The following SNX29 variants were observed in gnomAD, a reference collection of about 807,000 sequenced individuals.
SNX29 encodes sorting nexin 29.
SNX29 carries 78 observed loss-of-function variants against 102.1 expected under a neutral mutation model. That is an observed-to-expected ratio of 0.76 (90% CI 0.64 to 0.92). The LOEUF is 0.92. SNX29 is among the 40% of genes least tolerant of loss of function. The pLI is 0.00. For synonymous variants in SNX29, 580 were observed against 414.5 expected (o/e 1.40, Z -4.85); for missense variants, 1,280 against 1,061.7 (o/e 1.21, Z -2.86).
chr16:12,293,680 T>C (rs959442784), intron 15 of SNX29, among the ~76,000 whole-genome samples: 14 of 152,216 alleles, frequency 9.2e-5, no homozygotes, highest in African/African-American at 3.1e-4. Flanking sequence ...AAAGAACATA[T>C]TGAACATTTT....
In SNX29 at chr16:12,568,662, G is replaced by A. The variant is rs201330488; in HGVS notation, c.*33G>A. 1.3e-4 allele frequency: 214 copies of A among 1,596,100 alleles called. No homozygotes were observed. Among genetic ancestry groups the A allele is most frequent in the South Asian group, 8.4e-4 (76 of 90,710 alleles). ...AAAACCGCAGCCACGGGCCCTGTGC[G>A]TGGCACCAGCTGCGTCCACCCCAGC... On this transcript the variant is annotated 3_prime_UTR_variant, in exon 21 of 21. Coordinates refer to ENST00000566228, the MANE Select transcript of SNX29 (RefSeq NM_032167.5).
At chr16:12,524,306 C>A (rs2090212723) in intron 19 of SNX29, among the ~76,000 whole-genome samples, 1 of 152,018 alleles carries the variant, frequency 6.6e-6, no homozygotes, top group Non-Finnish European at 1.5e-5. Context: ...TAATTACCCG[C>A]TGACCTGTGT....
chr16:12,069,745 C>T (rs973403543), intron 10 of SNX29, among the ~76,000 whole-genome samples: 5 of 152,320 alleles, frequency 3.3e-5, no homozygotes, highest in Admixed American at 6.5e-5. Context: ...GGCTGGAGTG[C>T]GGTGGCGCAA....
At chr16:12,094,523 A>T (rs2052690007) in intron 11 of SNX29, among the ~76,000 whole-genome samples, 1 of 152,078 alleles carries the variant, frequency 6.6e-6, no homozygotes, top group Non-Finnish European at 1.5e-5. Context: ...TCTGGTTAAG[A>T]GGACATAAAC....
At chr16:12,057,228 C>T (rs866058078) in intron 8 of SNX29, among the ~76,000 whole-genome samples, 1 of 152,228 alleles carries the variant, frequency 6.6e-6, no homozygotes, top group Non-Finnish European at 1.5e-5. Flanking sequence ...TATTCTGCAT[C>T]TCACTAGCAG....
chr16:12,024,911 C>G (rs1189736234), intron 3 of SNX29, among the ~76,000 whole-genome samples: 1 of 152,022 alleles, frequency 6.6e-6, no homozygotes, highest in Non-Finnish European at 1.5e-5. Flanking sequence ...GAGACAGACC[C>G]CTGATCTAGG....
intron 1 of SNX29, among the ~76,000 whole-genome samples, chr16:11,991,146 C>T (rs1304657479): frequency 1.3e-5 from 2 of 152,256 alleles, no homozygotes; most frequent in Non-Finnish European, 2.9e-5. Flanking sequence ...GATGCACACG[C>T]AGGGCTTAGA....
chr16:12,318,335 A>G (rs1332113585), intron 15 of SNX29, among the ~76,000 whole-genome samples: 1 of 151,974 alleles, frequency 6.6e-6, no homozygotes, highest in Admixed American at 6.5e-5. Flanking sequence ...GTGACTCAAA[A>G]TTTTCTCTGG....
Position 12,042,927 on chromosome 16 carries a change from T to C in SNX29, c.278T>C (p.Val93Ala). 6.2e-7 allele frequency: 1 copy of C among 1,612,916 alleles called. No individual in the cohort carries two copies. The highest frequency in any genetic ancestry group is 8.5e-7 in the Non-Finnish European group (1 of 1,179,228). ...GTGTTCTGGTACTACGTGAAGGAGG[T>C]CCTCAACAAGCACGAGCTGCAGCGC... ...EPVFWYYVKEVLNKHELQRFY... is the reference protein window; with the variant it reads ...EPVFWYYVKEALNKHELQRFY... Residue 93 changes from valine (V) to alanine (A), a missense_variant, in exon 5 of 21, where the codon GTC becomes GCC. Transcript: ENST00000566228.
At chr16:12,270,157 C>T (rs544539279) in intron 14 of SNX29, among the ~76,000 whole-genome samples, 1 of 152,274 alleles carries the variant, frequency 6.6e-6, no homozygotes, top group Admixed American at 6.5e-5. Context: ...CCACCACGTC[C>T]AGCCCCGTTC....
chr16:12,205,498 C>A (rs143756624), intron 14 of SNX29, among the ~76,000 whole-genome samples: 195 of 152,310 alleles, frequency 1.3e-3, no homozygotes, highest in African/African-American at 4.6e-3. Flanking sequence ...CTCCCTCTTG[C>A]TGTCTCCACC....
intron 20 of SNX29, among the ~76,000 whole-genome samples, chr16:12,558,334 GAC>G (rs1373874636): frequency 4.0e-5 from 6 of 149,576 alleles, no homozygotes; most frequent in African/African-American, 1.5e-4. Context: ...TCAACAAAGA[GAC>G]AAAGAGGCCC....
intron 3 of SNX29, among the ~76,000 whole-genome samples, chr16:12,018,644 C>G (rs2056922020): frequency 6.6e-6 from 1 of 151,280 alleles, no homozygotes; most frequent in African/African-American, 2.4e-5. Flanking sequence ...AAGTTCCTCT[C>G]CTCTAGTTTT....
intron 20 of SNX29, among the ~76,000 whole-genome samples, chr16:12,539,376 C>G (rs752787674): frequency 1.3e-5 from 2 of 152,066 alleles, no homozygotes; most frequent in Non-Finnish European, 2.9e-5. Flanking sequence ...CCTCTTGAGG[C>G]TGGCGTCTTT....
rs532001218 is a variant in SNX29, at chr16:12,114,936, T to C, written c.1403-11697T>C. Among the ~76,000 whole-genome samples the C allele has an allele frequency of 5.4e-4, 83 of 152,314 alleles. 2 individuals are homozygous for C. The South Asian group carries it at 0.013, about 24-fold the overall frequency. ...TGATTTGGAGGGTCGAATGAGATAA[T>C]TGACACATAGTTTCACCCTGTGCCT... On this transcript the variant is annotated intron_variant, in intron 11 of 20. Transcript: ENST00000566228.
At chr16:12,489,285 GA>G (rs66969309) in intron 19 of SNX29, among the ~76,000 whole-genome samples, 5,074 of 143,694 alleles carry the variant, frequency 0.035, 244 homozygotes, top group African/African-American at 0.11. Context: ...TAACACGCTG[GA>G]AAAAAAAAAA....
intron 20 of SNX29, among the ~76,000 whole-genome samples, chr16:12,532,579 A>T (rs1391142396): frequency 6.6e-6 from 1 of 152,200 alleles, no homozygotes; most frequent in Non-Finnish European, 1.5e-5. Context: ...TGACTTCACC[A>T]TCTGAAATCC....
intron 18 of SNX29, among the ~76,000 whole-genome samples, chr16:12,420,952 T>C (rs1267053085): frequency 6.6e-6 from 1 of 152,070 alleles, no homozygotes; most frequent in African/African-American, 2.4e-5. Flanking sequence ...GGAACACAGA[T>C]GAGATAATGC....
chr16:12,361,682 T>C (rs920387239), intron 16 of SNX29, among the ~76,000 whole-genome samples: 3 of 152,208 alleles, frequency 2.0e-5, no homozygotes, highest in Non-Finnish European at 4.4e-5. Flanking sequence ...TTTTTTAAAT[T>C]TATTTTTTTC....
Sources: allele counts gnomAD v4.1 joint callset (sites outside exome capture counted in the v4.1 genomes callset), GRCh38; gene constraint gnomAD v4.1.1; transcripts MANE v1.5; gene names NCBI Gene and HGNC (gene_info 2026-07-23, HGNC 2026-07-21).